DYSF: variants seen among roughly 807,000 people sequenced by gnomAD.
DYSF encodes dysferlin.
A neutral mutation model predicts 274.9 loss-of-function variants in DYSF; 212 were observed. That is an observed-to-expected ratio of 0.77 (90% CI 0.69 to 0.86). The LOEUF (loss-of-function observed/expected upper bound fraction) is 0.86, where lower values mean the gene tolerates loss of function less well. Ranked by LOEUF, DYSF falls within the 40% of genes least tolerant of loss-of-function variation. DYSF has a pLI of 0.00. For missense variants in DYSF, 2,666 were observed against 2,783.2 expected (o/e 0.96, Z 0.95); for synonymous variants, 1,091 against 1,078.7 (o/e 1.01, Z -0.22).
intron 17 of DYSF, chr2:71,549,522 G>A (rs1362178922): frequency 1.0e-5 from 9 of 868,192 alleles, no homozygotes; most frequent in Middle Eastern, 2.9e-4. Flanking sequence ...ACAAAGGTAA[G>A]TCCCTGGACT....
chr2:71,617,970 GTGTTTGTGTGGTAGAGGTGAGGTATA>G (rs2093946175), intron 40 of DYSF, among the ~76,000 whole-genome samples: 1 of 139,458 alleles, frequency 7.2e-6, no homozygotes, highest in Non-Finnish European at 1.5e-5. Flanking sequence ...TTTGGTAGAG[GTGTTTGTGTGGTAGAGGTGAGGTATA>G]TGTGTGTGTG....
intron 3 of DYSF, among the ~76,000 whole-genome samples, chr2:71,488,740 C>T (rs747083765): frequency 6.6e-6 from 1 of 152,126 alleles, no homozygotes; most frequent in Non-Finnish European, 1.5e-5. Flanking sequence ...CTTAGGTGTT[C>T]ACAGTGGCAT....
chr2:71,670,876 A>C lies in DYSF; in HGVS notation c.5784+1130A>C, dbSNP rs140663093. Among the ~76,000 whole-genome samples, 1,098 of 152,202 alleles carry C rather than the reference A, an allele frequency of 7.2e-3. 6 individuals carry two copies. Among genetic ancestry groups the C allele is most frequent in the Non-Finnish European group, 0.012 (796 of 68,006 alleles). ...GGCCATCCTTGTCCCACCCGGCATT[A>C]AATTCCACCCTGAGGTGCTCTCCAA... is the stretch of plus-strand genomic sequence containing the variant. On this transcript the variant is annotated intron_variant, in intron 51 of 55. Coordinates refer to ENST00000410020, the MANE Select transcript of DYSF (RefSeq NM_001130987.2).
At chr2:71,453,980 G>C in exon 1 of DYSF, 1 of 1,613,632 alleles carries the variant, frequency 6.2e-7, no homozygotes, top group Non-Finnish European at 8.5e-7. Flanking sequence ...GGGCGCACGG[G>C]GCCCTACACG....
intron 53 of DYSF, among the ~76,000 whole-genome samples, chr2:71,680,012 C>T (rs943335086): frequency 3.9e-5 from 6 of 152,098 alleles, no homozygotes; most frequent in Non-Finnish European, 8.8e-5. Flanking sequence ...GTACTAAACC[C>T]GTATTATGTA....
At chr2:71,561,266 A>G (rs1234104577) in intron 22 of DYSF, among the ~76,000 whole-genome samples, 4 of 152,216 alleles carry the variant, frequency 2.6e-5, no homozygotes, top group Non-Finnish European at 5.9e-5. Flanking sequence ...CAGTGCCTGC[A>G]GTAGCTCTTC....
At chr2:71,522,505 G>A (rs1377704523) in intron 12 of DYSF, among the ~76,000 whole-genome samples, 1 of 152,086 alleles carries the variant, frequency 6.6e-6, no homozygotes, top group African/African-American at 2.4e-5. Flanking sequence ...TTTTCCAGTG[G>A]GTTCTTCAAA....
chr2:71,482,408 T>A (rs2082990969), intron 3 of DYSF, among the ~76,000 whole-genome samples: 1 of 152,184 alleles, frequency 6.6e-6, no homozygotes, highest in South Asian at 2.1e-4. Context: ...CAGGAATGCT[T>A]CATGGAAGGG....
chr2:71,478,823 G>A lies in DYSF; in HGVS notation c.92-2060G>A, dbSNP rs564697976. 9.2e-5 allele frequency among the ~76,000 whole-genome samples: 14 copies of A among 151,756 alleles called. No individual in the cohort carries two copies. In the South Asian group the frequency reaches 2.9e-3, roughly 32 times the overall value. On this transcript the variant is annotated intron_variant, in intron 1 of 55. Coordinates refer to ENST00000410020, the MANE Select transcript of DYSF (RefSeq NM_001130987.2). ...CAGATGGTCTTTTGCTCCCTCTCAC[G>A]TGCTCTCTTTCTCTTTTTTTCTCTC...
intron 42 of DYSF, among the ~76,000 whole-genome samples, chr2:71,645,458 C>T (rs1014121756): frequency 4.6e-5 from 7 of 152,010 alleles, no homozygotes; most frequent in Admixed American, 4.6e-4. Context: ...GTGGGTCCTT[C>T]TCGACATCCC....
In DYSF at chr2:71,527,574, T is replaced by A. The variant is rs2088083199; in HGVS notation, c.1277-724T>A. On this transcript the variant is annotated intron_variant, in intron 13 of 55. Coordinates refer to ENST00000410020, the MANE Select transcript of DYSF (RefSeq NM_001130987.2). ...AAGGTGAAAGAGCTTTGTGTTGAAT[T>A]CCCTGCAACGTTGTTTGAAAAAAAC... Among the ~76,000 whole-genome samples the A allele has an allele frequency of 5.5e-5, 7 of 128,012 alleles. No homozygotes were observed. In the Admixed American group the frequency reaches 5.7e-4, roughly 10 times the overall value. The allele number at this position is 128,012 out of a possible 152,430, so 84.0% of individuals were successfully genotyped here. A position where few individuals can be genotyped will look rare whatever the true frequency, so the allele number is the denominator to read the frequency against.
At chr2:71,474,164 GATCCACCCGC>G (rs983503012) in intron 1 of DYSF, among the ~76,000 whole-genome samples, 2 of 152,164 alleles carry the variant, frequency 1.3e-5, no homozygotes, top group African/African-American at 4.8e-5. Context: ...GACCTCAGGT[GATCCACCCGC>G]ATCCACCTCC....
chr2:71,640,978 A>C (rs992308533), intron 41 of DYSF, among the ~76,000 whole-genome samples: 1 of 152,036 alleles, frequency 6.6e-6, no homozygotes, highest in Non-Finnish European at 1.5e-5. Context: ...GTTTTCTACT[A>C]CTTTTGAATC....
chr2:71,555,248 C>T (rs994493925), intron 21 of DYSF, among the ~76,000 whole-genome samples: 6 of 152,108 alleles, frequency 3.9e-5, no homozygotes, highest in African/African-American at 1.4e-4. Flanking sequence ...AGCAAGACTC[C>T]AGACTCCAAG....
At chr2:71,654,085 A>G (rs991055051) in intron 42 of DYSF, among the ~76,000 whole-genome samples, 2 of 152,218 alleles carry the variant, frequency 1.3e-5, no homozygotes, top group African/African-American at 4.8e-5. Context: ...ACACCAACAG[A>G]TGGAAAATGT....
chr2:71,675,116 C>T (rs1048490919), intron 52 of DYSF, among the ~76,000 whole-genome samples: 22 of 148,750 alleles, frequency 1.5e-4, no homozygotes, highest in Non-Finnish European at 2.4e-4. Flanking sequence ...TCCATAGAGA[C>T]GGAAAATAGG....
chr2:71,554,267 G>A (rs1186544851), intron 21 of DYSF, among the ~76,000 whole-genome samples: 9 of 152,324 alleles, frequency 5.9e-5, no homozygotes, highest in Non-Finnish European at 8.8e-5. Context: ...CTTTGGACTC[G>A]TAATGCACAC....
chr2:71,494,325 C>T (rs1168129417), intron 3 of DYSF, among the ~76,000 whole-genome samples: 1 of 152,286 alleles, frequency 6.6e-6, no homozygotes, highest in Non-Finnish European at 1.5e-5. Context: ...TCTGGAGGCA[C>T]ATGATGTTCC....
intron 30 of DYSF, among the ~76,000 whole-genome samples, chr2:71,586,813 G>A (rs929994484): frequency 3.9e-5 from 6 of 152,146 alleles, no homozygotes; most frequent in East Asian, 2.0e-4. Context: ...CCCTGGAGCC[G>A]GAGGCGCCTC....
Sources: gnomAD v4.1 joint callset for allele counts (sites outside exome capture counted in the v4.1 genomes callset) on GRCh38, gnomAD v4.1.1 for gene constraint, MANE v1.5 for transcripts, NCBI Gene and HGNC (gene_info 2026-07-23, HGNC 2026-07-21) for gene names.